STPG4: variants seen among roughly 807,000 people sequenced by gnomAD.
STPG4 encodes sperm-tail PG-rich repeat containing 4.
In STPG4, 41 loss-of-function variants were observed where a neutral mutation model predicts 31.5. That is an observed-to-expected ratio of 1.30 (90% confidence interval 1.01 to 1.69). The LOEUF (loss-of-function observed/expected upper bound fraction) is 1.69, where lower values mean the gene tolerates loss of function less well. Ranked by LOEUF, STPG4 falls within the 40% of genes most tolerant of loss-of-function variation. The pLI is 0.00. For missense variants in STPG4, 375 were observed against 293.4 expected (o/e 1.28, Z -2.03); for synonymous variants, 141 against 103.0 (o/e 1.37, Z -2.24).
chr2:47,106,976 CCCCTCTGGAGG>C (rs1685926183), intron 5 of STPG4, among the ~76,000 whole-genome samples: 2 of 152,018 alleles, frequency 1.3e-5, no homozygotes, highest in African/African-American at 4.8e-5. Context: ...CTAGAGACCT[CCCCTCTGGAGG>C]ACACTACAAC....
intron 5 of STPG4, among the ~76,000 whole-genome samples, chr2:47,091,496 T>C (rs1251177897): frequency 6.6e-6 from 1 of 152,188 alleles, no homozygotes; most frequent in East Asian, 1.9e-4. Context: ...AATTCGCTTT[T>C]TTCCCCCCTC....
At chr2:47,140,182 AC>A (rs1686674623) in intron 3 of STPG4, among the ~76,000 whole-genome samples, 1 of 151,810 alleles carries the variant, frequency 6.6e-6, no homozygotes, top group African/African-American at 2.4e-5. Flanking sequence ...CTACCTCCTC[AC>A]CCTTAGGTGG....
intron 3 of STPG4, among the ~76,000 whole-genome samples, chr2:47,141,566 A>T (rs894755231): frequency 5.3e-5 from 8 of 152,200 alleles, no homozygotes; most frequent in African/African-American, 1.9e-4. Flanking sequence ...TCAAAAAAAA[A>T]AAAAAAATCT....
intron 2 of STPG4, among the ~76,000 whole-genome samples, chr2:47,152,033 G>C (rs898856418): frequency 6.6e-6 from 1 of 152,106 alleles, no homozygotes. Flanking sequence ...AAAGTGCTGG[G>C]ATTACAGGCG....
chr2:47,126,413 C>G (rs907696048), intron 5 of STPG4, among the ~76,000 whole-genome samples: 1 of 152,006 alleles, frequency 6.6e-6, no homozygotes, highest in African/African-American at 2.4e-5. Flanking sequence ...GCAGCCTTGA[C>G]CTCCTGGGCT....
intron 5 of STPG4, among the ~76,000 whole-genome samples, chr2:47,098,967 C>A (rs919207893): frequency 6.6e-6 from 1 of 152,162 alleles, no homozygotes; most frequent in African/African-American, 2.4e-5. Context: ...TAGAAGCAAA[C>A]CTGTTAGGGG....
intron 6 of STPG4, among the ~76,000 whole-genome samples, chr2:47,087,491 T>C (rs1685480313): frequency 6.6e-6 from 1 of 152,238 alleles, no homozygotes; most frequent in African/African-American, 2.4e-5. Context: ...GCCATCATCT[T>C]TCCCCCGGTG....
At chr2:47,096,160 C>A (rs10174132) in intron 5 of STPG4, among the ~76,000 whole-genome samples, 34 of 152,300 alleles carry the variant, frequency 2.2e-4, no homozygotes, top group African/African-American at 8.2e-4. Flanking sequence ...CTATGCTCAT[C>A]AGCCTCACAT....
intron 5 of STPG4, among the ~76,000 whole-genome samples, chr2:47,118,388 T>C (rs1412271799): frequency 1.3e-5 from 2 of 152,236 alleles, no homozygotes; most frequent in East Asian, 1.9e-4. Context: ...GACTGTCTAG[T>C]TGCAGGAAAA....
intron 5 of STPG4, among the ~76,000 whole-genome samples, chr2:47,093,031 T>G (rs1054925795): frequency 2.6e-5 from 4 of 152,180 alleles, no homozygotes; most frequent in Non-Finnish European, 5.9e-5. Flanking sequence ...GACCTCATGA[T>G]CTGCCCGCCT....
chr2:47,096,872 C>A (rs573890309), intron 5 of STPG4, among the ~76,000 whole-genome samples: 7 of 152,174 alleles, frequency 4.6e-5, no homozygotes, highest in African/African-American at 1.2e-4. Context: ...CCACAGCAAC[C>A]AAAAAGCAAA....
In STPG4 at chr2:47,090,387, T is replaced by TA. The variant is rs1685547286; in HGVS notation, c.520-14dup. 1.3e-6 allele frequency: 2 copies of TA among 1,504,762 alleles called. No homozygotes were observed. Among genetic ancestry groups the TA allele is most frequent in the Non-Finnish European group, 1.8e-6 (2 of 1,106,720 alleles). 93.2% of individuals were successfully genotyped at this position (1,504,762 alleles called of 1,614,324 possible). Reference sequence around the variant, plus strand: ...CAGGGCCTTCATGCTATTGAACATTTAAAAAATTGCTTCATTATTATTGTA... The same window carrying TA: ...CAGGGCCTTCATGCTATTGAACATTTAAAAAAATTGCTTCATTATTATTGTA... On this transcript the variant is annotated splice_polypyrimidine_tract_variant and intron_variant, in intron 5 of 6. Transcript: ENST00000445927.
intron 5 of STPG4, among the ~76,000 whole-genome samples, chr2:47,102,604 G>T (rs1429645055): frequency 6.6e-6 from 1 of 151,774 alleles, no homozygotes; most frequent in African/African-American, 2.4e-5. Flanking sequence ...ACATCCCACA[G>T]GAGGACCCCT....
intron 5 of STPG4, among the ~76,000 whole-genome samples, chr2:47,105,257 A>C (rs1402953221): frequency 3.3e-5 from 5 of 151,958 alleles, no homozygotes; most frequent in African/African-American, 4.9e-5. Context: ...AAGGAAACTG[A>C]TGTAGTAGCA....
intron 3 of STPG4, among the ~76,000 whole-genome samples, chr2:47,147,414 G>C (rs1372559980): frequency 1.3e-5 from 2 of 152,208 alleles, no homozygotes; most frequent in African/African-American, 4.8e-5. Flanking sequence ...AGGAAGAAGG[G>C]AGTTGAGAGG....
chr2:47,102,666 T>C (rs781092277), intron 5 of STPG4, among the ~76,000 whole-genome samples: 49 of 151,736 alleles, frequency 3.2e-4, no homozygotes, highest in Non-Finnish European at 4.1e-4. Flanking sequence ...CTATTAATGA[T>C]AATCCTTTTC....
At chr2:47,090,928 C>A (rs1394410690) in intron 5 of STPG4, among the ~76,000 whole-genome samples, 2 of 152,186 alleles carry the variant, frequency 1.3e-5, no homozygotes, top group Non-Finnish European at 2.9e-5. Context: ...AAATTAGCAA[C>A]AGGCCATTCA....
intron 6 of STPG4, 65 bp from the exon 7 acceptor site, chr2:47,087,195 C>A: frequency 1.3e-6 from 2 of 1,531,742 alleles, no homozygotes; most frequent in Non-Finnish European, 1.8e-6. Flanking sequence ...GGCTCCTGTG[C>A]CTAGCCACTG....
chr2:47,110,485 T>C (rs1320236535), intron 5 of STPG4, among the ~76,000 whole-genome samples: 1 of 152,164 alleles, frequency 6.6e-6, no homozygotes, highest in Non-Finnish European at 1.5e-5. Flanking sequence ...TCCCAGCTAC[T>C]TGGGAGACTG....
Sources: gnomAD v4.1 joint callset for allele counts (sites outside exome capture counted in the v4.1 genomes callset) on GRCh38, gnomAD v4.1.1 for gene constraint, MANE v1.5 for transcripts, NCBI Gene and HGNC (gene_info 2026-07-23, HGNC 2026-07-21) for gene names.